C17orf67: variants seen among roughly 807,000 people sequenced by gnomAD.
C17orf67 encodes the protein chromosome 17 open reading frame 67, also known as uncharacterized protein C17orf67.
A neutral mutation model predicts 11.2 loss-of-function variants in C17orf67; 12 were observed. The ratio of observed to expected loss-of-function variants is 1.07; its 90% CI spans 0.68 to 1.73. The LOEUF is 1.73. C17orf67 is among the 40% of genes most tolerant of loss of function. The pLI, the probability that C17orf67 is intolerant of heterozygous loss-of-function variation, is 0.00. For synonymous variants in C17orf67, 59 were observed against 46.9 expected (o/e 1.26, Z -1.05); for missense variants, 115 against 113.5 (o/e 1.01, Z -0.06).
intron 4 of C17orf67, among the ~76,000 whole-genome samples, chr17:56,821,037 A>G (rs1905891382): frequency 6.6e-6 from 1 of 152,042 alleles, no homozygotes; most frequent in African/African-American, 2.4e-5. Flanking sequence ...AGCTTCTCAA[A>G]TAGCTGGAAC....
chr17:56,793,298 GCTGT>G (rs1377177717), intron 7 of C17orf67, among the ~76,000 whole-genome samples: 2 of 151,970 alleles, frequency 1.3e-5, no homozygotes, highest in South Asian at 2.1e-4. Context: ...TTATCTGAAG[GCTGT>G]CTGACTCCCA....
chr17:56,821,021 T>C (rs1001713003), intron 4 of C17orf67, among the ~76,000 whole-genome samples: 1 of 152,166 alleles, frequency 6.6e-6, no homozygotes, highest in Non-Finnish European at 1.5e-5. Context: ...ATGATCCTCC[T>C]GCCTCAGCTT....
chr17:56,809,335 C>A (rs1040776963), intron 6 of C17orf67, among the ~76,000 whole-genome samples: 2 of 151,952 alleles, frequency 1.3e-5, no homozygotes, highest in Non-Finnish European at 2.9e-5. Context: ...GCTGTGGCAT[C>A]CAAGTACCTT....
intron 2 of C17orf67, among the ~76,000 whole-genome samples, chr17:56,830,651 T>C (rs1906174752): frequency 6.6e-6 from 1 of 152,240 alleles, no homozygotes; most frequent in Non-Finnish European, 1.5e-5. Context: ...CATTTTTATT[T>C]TGGTATGTAA....
In C17orf67 at chr17:56,795,040, G is replaced by A. The variant is rs377049811; in HGVS notation, c.*20+4C>T. The A allele has an allele frequency of 1.1e-5, 17 of 1,584,488 alleles. No individual in the cohort carries two copies. The highest frequency in any genetic ancestry group is 6.6e-5 in the South Asian group (6 of 90,396). The stretch of plus-strand genomic sequence containing the variant: ...AGAGGTCCGGGAGAGAGAAGGAGAC[G>A]TACCGAGGCTGGTCCTGATCCCCTT... On this transcript the variant is annotated splice_donor_region_variant and intron_variant, in intron 7 of 7. Transcript: ENST00000397861.
intron 6 of C17orf67, 85 bp downstream of exon 6, chr17:56,814,784 C>T: frequency 7.8e-7 from 1 of 1,284,994 alleles, no homozygotes; most frequent in Non-Finnish European, 1.1e-6. Context: ...ACTAGCAGCC[C>T]ATGCTGGGAC....
At chr17:56,806,060 C>T (rs904246711) in intron 6 of C17orf67, among the ~76,000 whole-genome samples, 4 of 142,662 alleles carry the variant, frequency 2.8e-5, no homozygotes, top group East Asian at 2.2e-4. Flanking sequence ...CTGCAAGCTC[C>T]GCCTCCCAGG....
intron 6 of C17orf67, among the ~76,000 whole-genome samples, chr17:56,809,279 T>C (rs1385319936): frequency 6.6e-6 from 1 of 151,882 alleles, no homozygotes; most frequent in African/African-American, 2.4e-5. Flanking sequence ...ATTCCCCTGC[T>C]TGAAATCCCT....
At chr17:56,816,968 G>A (rs1438273096) in intron 4 of C17orf67, among the ~76,000 whole-genome samples, 1 of 152,070 alleles carries the variant, frequency 6.6e-6, no homozygotes, top group Non-Finnish European at 1.5e-5. Context: ...TTCCACCTCA[G>A]CCTCCCGAGT....
At chr17:56,820,024 A>AC (rs11406275) in intron 4 of C17orf67, among the ~76,000 whole-genome samples, 128,920 of 152,170 alleles carry the variant, frequency 0.85, 54,817 homozygotes, top group East Asian at 0.93. Flanking sequence ...TTGATGTACT[A>AC]TTGAAGGCAT....
chr17:56,810,191 TCA>T (rs368670850), intron 6 of C17orf67, among the ~76,000 whole-genome samples: 2,886 of 113,636 alleles, frequency 0.025, 135 homozygotes, highest in African/African-American at 0.093. Flanking sequence ...AACACACCCT[TCA>T]CACACACACT....
At chr17:56,830,191 A>G (rs1906156274) in intron 2 of C17orf67, among the ~76,000 whole-genome samples, 1 of 151,992 alleles carries the variant, frequency 6.6e-6, no homozygotes, top group Non-Finnish European at 1.5e-5. Flanking sequence ...AAAACACAAA[A>G]AAAATTAGCC....
intron 7 of C17orf67, among the ~76,000 whole-genome samples, 193 bp from the exon 8 acceptor site, chr17:56,792,545 G>A (rs1208438434): frequency 1.3e-5 from 2 of 150,444 alleles, no homozygotes; most frequent in Admixed American, 6.6e-5. Context: ...TGGTGGTGAT[G>A]ATGGTGTGGC....
intron 6 of C17orf67, among the ~76,000 whole-genome samples, chr17:56,811,765 A>G (rs1012018227): frequency 2.6e-5 from 4 of 152,206 alleles, no homozygotes; most frequent in Admixed American, 2.0e-4. Context: ...AGCACGCACC[A>G]CTTGACCCTC....
chr17:56,813,310 C>T (rs1322879502), intron 6 of C17orf67, among the ~76,000 whole-genome samples: 1 of 151,972 alleles, frequency 6.6e-6, no homozygotes. Flanking sequence ...CCCAGCCCCT[C>T]CTATGCCTCC....
chr17:56,798,710 G>A (rs1201013367), intron 6 of C17orf67, among the ~76,000 whole-genome samples: 1 of 152,104 alleles, frequency 6.6e-6, no homozygotes, highest in Non-Finnish European at 1.5e-5. Context: ...GTGCATGCCT[G>A]TAGTCCCAGC....
chr17:56,805,252 A>C lies in C17orf67; in HGVS notation c.156+9617T>G, dbSNP rs116807997. Among the ~76,000 whole-genome samples, 755 of 152,340 alleles carry C rather than the reference A, an allele frequency of 5.0e-3. 6 individuals carry two copies. The highest frequency in any genetic ancestry group is 0.017 in the African/African-American group (710 of 41,586). ...AGGTGAGTTTTTGGGGATGAATAAG[A>C]GTTAACCAGGTAAACAAGAGCAGAA... On this transcript the variant is annotated intron_variant, in intron 6 of 7. Coordinates refer to ENST00000397861, the MANE Select transcript of C17orf67 (RefSeq NM_001085430.4).
chr17:56,795,966 ATTAC>A (rs1410653730), intron 6 of C17orf67, among the ~76,000 whole-genome samples: 1 of 152,226 alleles, frequency 6.6e-6, no homozygotes, highest in Non-Finnish European at 1.5e-5. Flanking sequence ...CATGTAATAT[ATTAC>A]TTATGGCTAT....
At chr17:56,828,969 C>T (rs1473457108) in intron 2 of C17orf67, among the ~76,000 whole-genome samples, 1 of 152,032 alleles carries the variant, frequency 6.6e-6, no homozygotes, top group Admixed American at 6.6e-5. Context: ...ACAGCACCAA[C>T]GCAATGCTGA....
Sources: gnomAD v4.1 joint callset for allele counts (sites outside exome capture counted in the v4.1 genomes callset) on GRCh38, gnomAD v4.1.1 for gene constraint, MANE v1.5 for transcripts, NCBI Gene and HGNC (gene_info 2026-07-23, HGNC 2026-07-21) for gene names.